MARCHF1: variants seen among roughly 807,000 people sequenced by gnomAD.
MARCHF1 encodes the protein E3 ubiquitin-protein ligase MARCHF1.
Under a neutral mutation model 54.2 loss-of-function variants are expected in MARCHF1, and 40 were observed. The observed-to-expected ratio is 0.74, with a 90% CI of 0.57 to 0.96. The LOEUF is 0.96. Among genes scored for constraint, MARCHF1 ranks in the 40% least tolerant of loss-of-function variants. MARCHF1 has a pLI of 0.00. For synonymous variants in MARCHF1, 236 were observed against 236.3 expected (o/e 1.00, Z 0.01); for missense variants, 586 against 656.5 (o/e 0.89, Z 1.17).
Position 163,919,167 on chromosome 4 carries a change from G to A in MARCHF1, c.-38-64998C>T, listed in dbSNP as rs183720744. 1.9e-3 allele frequency among the ~76,000 whole-genome samples: 283 copies of A among 152,152 alleles called. 1 individual carries two copies. The highest frequency in any genetic ancestry group is 0.015 in the South Asian group (72 of 4,824). On this transcript the variant is annotated intron_variant, in intron 3 of 9. Coordinates refer to ENST00000514618, the MANE Select transcript of MARCHF1 (RefSeq NM_001394959.1). ...CATTGACTAACAAATGTTATTATGA[G>A]TTGAATTTTATTTGAAAAGCAAATG...
intron 9 of MARCHF1, among the ~76,000 whole-genome samples, chr4:163,542,260 C>T (rs1455447957): frequency 6.6e-6 from 1 of 152,142 alleles, no homozygotes; most frequent in Non-Finnish European, 1.5e-5. Flanking sequence ...GGTGGAAAAG[C>T]TTAGGTACCA....
rs551463945 is a variant in MARCHF1, at chr4:163,763,055, G to A, written c.112-62192C>T. On this transcript the variant is annotated intron_variant, in intron 4 of 9. Transcript: ENST00000514618. ...CAATTTTACCATTTACTTTTTATAC[G>A]TGTAGTAAAAGAGAAACCTTAAATG... Among the ~76,000 whole-genome samples the A allele has an allele frequency of 3.3e-5, 5 of 152,144 alleles. No homozygotes were observed. In the East Asian group the frequency reaches 5.8e-4, roughly 18 times the overall value.
intron 2 of MARCHF1, among the ~76,000 whole-genome samples, chr4:164,077,252 C>G (rs1351585399): frequency 1.3e-5 from 2 of 152,106 alleles, no homozygotes; most frequent in Non-Finnish European, 2.9e-5. Flanking sequence ...TGATCTTTGA[C>G]AAACCTGACA....
At chr4:164,157,000 C>T (rs547062935) in intron 1 of MARCHF1, among the ~76,000 whole-genome samples, 4 of 152,254 alleles carry the variant, frequency 2.6e-5, no homozygotes, top group Admixed American at 6.5e-5. Context: ...TAAGACTAGA[C>T]ATCAATTATA....
At chr4:163,683,821 T>G (rs1308225943) in intron 5 of MARCHF1, among the ~76,000 whole-genome samples, 1 of 152,182 alleles carries the variant, frequency 6.6e-6, no homozygotes, top group Non-Finnish European at 1.5e-5. Flanking sequence ...TCAGCAAAGA[T>G]AATCCTTGGG....
intron 8 of MARCHF1, among the ~76,000 whole-genome samples, chr4:163,552,056 A>G (rs780070945): frequency 2.6e-5 from 4 of 152,210 alleles, no homozygotes; most frequent in Non-Finnish European, 5.9e-5. Flanking sequence ...CTGTGAGTCT[A>G]TCATTTCCTT....
At chr4:163,589,519 G>C (rs541389409) in intron 7 of MARCHF1, among the ~76,000 whole-genome samples, 1 of 152,100 alleles carries the variant, frequency 6.6e-6, no homozygotes, top group Admixed American at 6.6e-5. Flanking sequence ...ATCATGTTGA[G>C]ATTGTTCTAA....
intron 1 of MARCHF1, chr4:164,188,687 A>G (rs112543630): frequency 1.8e-6 from 2 of 1,097,662 alleles, no homozygotes; most frequent in African/African-American, 1.5e-5. Context: ...CCGCACGTGG[A>G]ACGACCTGTC....
intron 4 of MARCHF1, among the ~76,000 whole-genome samples, chr4:163,823,124 G>C (rs2111060527): frequency 6.6e-6 from 1 of 151,886 alleles, no homozygotes; most frequent in South Asian, 2.1e-4. Flanking sequence ...AGGGATGAAT[G>C]AAGAATTTTC....
chr4:163,803,331 G>A (rs557100361), intron 4 of MARCHF1, among the ~76,000 whole-genome samples: 75 of 152,050 alleles, frequency 4.9e-4, no homozygotes, highest in Non-Finnish European at 7.2e-4. Flanking sequence ...GCGCCACCAC[G>A]CCTGGCTAAT....
intron 1 of MARCHF1, chr4:164,197,294 A>C: frequency 1.2e-6 from 2 of 1,611,758 alleles, no homozygotes; most frequent in Non-Finnish European, 1.7e-6. Flanking sequence ...CTGTCGAGAT[A>C]TGTGAGTTGC....
chr4:163,633,873 G>A (rs1560987463), intron 5 of MARCHF1, among the ~76,000 whole-genome samples: 2 of 152,202 alleles, frequency 1.3e-5, no homozygotes, highest in South Asian at 2.1e-4. Context: ...TCAAAGGGAA[G>A]CCCATCAGAC....
intron 1 of MARCHF1, among the ~76,000 whole-genome samples, chr4:164,240,677 C>T (rs901006875): frequency 3.3e-5 from 5 of 152,118 alleles, no homozygotes; most frequent in Admixed American, 2.0e-4. Flanking sequence ...CTCCATCTTG[C>T]TTCTAACCTC....
In MARCHF1 at chr4:163,648,620, A is replaced by T. The variant is rs987391764; in HGVS notation, c.163-35227T>A. Among the ~76,000 whole-genome samples, 4 of 151,422 alleles carry T rather than the reference A, an allele frequency of 2.6e-5. No homozygotes were observed. The South Asian group carries it at 6.2e-4, about 24-fold the overall frequency. ...AATTATAGCCCATGAGCTAAAAAAA[A>T]AAAAAAAAACTAGAGAGGAAAGCAA... On this transcript the variant is annotated intron_variant, in intron 5 of 9. Transcript: ENST00000514618.
chr4:164,016,380 T>C (rs1288164323), intron 2 of MARCHF1, among the ~76,000 whole-genome samples: 2 of 152,028 alleles, frequency 1.3e-5, no homozygotes, highest in African/African-American at 2.4e-5. Flanking sequence ...ATCGATCCAA[T>C]CATCTCACAC....
At chr4:163,745,347 T>C (rs1160327205) in intron 4 of MARCHF1, among the ~76,000 whole-genome samples, 3 of 152,082 alleles carry the variant, frequency 2.0e-5, no homozygotes, top group African/African-American at 7.2e-5. Context: ...ACTCCTGACC[T>C]TGTGATCCAC....
chr4:163,894,125 G>A (rs773636447), intron 3 of MARCHF1, among the ~76,000 whole-genome samples: 1 of 152,110 alleles, frequency 6.6e-6, no homozygotes, highest in Non-Finnish European at 1.5e-5. Context: ...TGAAGCCTTA[G>A]GGACAGAGTA....
rs534128127 is a variant in MARCHF1, at chr4:164,275,329, C to T, written c.-323+108541G>A. 7.9e-5 allele frequency among the ~76,000 whole-genome samples: 12 copies of T among 152,244 alleles called. No homozygotes were observed. The East Asian group carries it at 2.1e-3, about 27-fold the overall frequency. ...GTGCTGCTGCTACACAGACTACTAC[C>T]GCAAACAGCCCTTCACGCCCTCCTC... On this transcript the variant is annotated intron_variant, in intron 1 of 9. Transcript: ENST00000514618.
At chr4:163,722,450 C>T (rs980715071) in intron 4 of MARCHF1, among the ~76,000 whole-genome samples, 2 of 152,240 alleles carry the variant, frequency 1.3e-5, no homozygotes, top group African/African-American at 2.4e-5. Context: ...TTACTTCCAA[C>T]TATGTGGTCA....
Sources: allele counts gnomAD v4.1 joint callset (sites outside exome capture counted in the v4.1 genomes callset), GRCh38; gene constraint gnomAD v4.1.1; transcripts MANE v1.5; gene names NCBI Gene and HGNC (gene_info 2026-07-23, HGNC 2026-07-21).